The following MICAL2 variants were observed in gnomAD, a reference collection of about 807,000 sequenced individuals.
MICAL2 encodes [F-actin]-monooxygenase MICAL2.
Under a neutral mutation model 127.3 loss-of-function variants are expected in MICAL2, and 77 were observed. That is an observed-to-expected ratio of 0.60 (90% CI 0.50 to 0.73). The LOEUF is 0.73. Ranked by LOEUF, MICAL2 falls within the 30% of genes least tolerant of loss-of-function variation. MICAL2 has a pLI of 0.00. For missense variants in MICAL2, 1,351 were observed against 1,434.4 expected, an observed-to-expected ratio of 0.94 and a Z score of 0.94; for synonymous variants, 570 against 551.1, an observed-to-expected ratio of 1.03 and a Z score of -0.48.
At chr11:12,120,353 T>G (rs778576316) in intron 1 of MICAL2, among the ~76,000 whole-genome samples, 4 of 152,186 alleles carry the variant, frequency 2.6e-5, no homozygotes, top group Non-Finnish European at 4.4e-5. Context: ...GAGGGAATCC[T>G]GAGAGATGGC....
At chr11:12,148,298 G>A (rs1853176772) in intron 2 of MICAL2, among the ~76,000 whole-genome samples, 1 of 152,166 alleles carries the variant, frequency 6.6e-6, no homozygotes, top group Non-Finnish European at 1.5e-5. Context: ...GTAAGACAGA[G>A]ACTTGATATG....
chr11:12,277,011 A>C (rs925135320), intron 1 of MICAL2, among the ~76,000 whole-genome samples: 1 of 152,164 alleles, frequency 6.6e-6, no homozygotes, highest in African/African-American at 2.4e-5. Context: ...ACCAGCCCCA[A>C]AGCGAGTGAC....
intron 29 of MICAL2, among the ~76,000 whole-genome samples, chr11:12,301,269 G>A (rs944072149): frequency 2.6e-5 from 4 of 152,158 alleles, no homozygotes; most frequent in Admixed American, 6.5e-5. Flanking sequence ...ATTTGGGTGG[G>A]TACACAGCCA....
chr11:12,207,142 A>T (rs561674014), intron 4 of MICAL2, among the ~76,000 whole-genome samples: 1 of 151,894 alleles, frequency 6.6e-6, no homozygotes, highest in African/African-American at 2.4e-5. Context: ...GTGGGATTTG[A>T]TATTCTTGGT....
Position 12,262,514 on chromosome 11 carries a change from T to C in MICAL2, c.3369T>C (p.Leu1123=). Residue 1123 remains leucine (L), a synonymous_variant, in exon 27 of 28, where the codon CTT becomes CTC. Coordinates refer to ENST00000683283, the MANE Select transcript of MICAL2 (RefSeq NM_001282663.2). Reference sequence around the variant, plus strand: ...GCCTTCCAGTGCTACACCCACTTCTTGGCTGACACACTTCTGCTCTAAGGT... The same window carrying C: ...GCCTTCCAGTGCTACACCCACTTCTCGGCTGACACACTTCTGCTCTAAGGT... ...HFSLPVLHPL[L]G 1 of 1,613,750 alleles carries C rather than the reference T, an allele frequency of 6.2e-7. No homozygotes were observed. Among genetic ancestry groups the C allele is most frequent in the Non-Finnish European group, 8.5e-7 (1 of 1,179,718 alleles).
rs78668327 is a variant in MICAL2, at chr11:12,340,237, G to A, written c.5516-9601G>A. On this transcript the variant is annotated intron_variant, in intron 32 of 34. Coordinates refer to the MICAL2 transcript ENST00000646065. The stretch of plus-strand genomic sequence containing the variant: ...AGGCAAACAACCCAATATAAATATA[G>A]ACAAATGACATAAATATTCTCTTCA... 1.7e-3 allele frequency among the ~76,000 whole-genome samples: 253 copies of A among 152,216 alleles called. 5 individuals are homozygous for A. In the East Asian group the frequency reaches 0.041, roughly 25 times the overall value.
intron 2 of MICAL2, among the ~76,000 whole-genome samples, chr11:12,153,502 A>G (rs146595945): frequency 0.03 from 4,601 of 152,138 alleles, 123 homozygotes; most frequent in Middle Eastern, 0.051. Context: ...CGGTGGTGCA[A>G]TCTTGGCTGA....
chr11:12,303,102 C>T (rs1024369291), intron 29 of MICAL2, among the ~76,000 whole-genome samples: 6 of 152,194 alleles, frequency 3.9e-5, no homozygotes, highest in African/African-American at 1.4e-4. Flanking sequence ...ATCACAAAAA[C>T]AGCATGAAGG....
At chr11:12,330,822 G>GAGA (rs1555022632) in intron 32 of MICAL2, among the ~76,000 whole-genome samples, 1,704 of 129,534 alleles carry the variant, frequency 0.013, 68 homozygotes, top group African/African-American at 0.036. Context: ...AGAGAGAGAG[G>GAGA]GAGAGACAGA....
chr11:12,235,693 G>A (rs771567281), intron 15 of MICAL2, among the ~76,000 whole-genome samples: 10 of 152,138 alleles, frequency 6.6e-5, no homozygotes, highest in Non-Finnish European at 1.5e-4. Flanking sequence ...AGGTGAACCC[G>A]GTCACCTTCT....
At chr11:12,241,668 G>A (rs1428352996) in intron 18 of MICAL2, among the ~76,000 whole-genome samples, 1 of 152,204 alleles carries the variant, frequency 6.6e-6, no homozygotes, top group Non-Finnish European at 1.5e-5. Context: ...CTTATGGCAG[G>A]TAGTGCTCCT....
rs538355311 is a variant in MICAL2 at position 12,214,641 on chromosome 11, C to T, written c.847+1231C>T. Among the ~76,000 whole-genome samples the T allele has an allele frequency of 3.5e-4, 54 of 152,316 alleles. 2 individuals carry two copies. The South Asian group carries it at 0.011, about 32-fold the overall frequency. ...TTATATATAGGCTGAATAAAACAAT[C>T]AGAATATTTTATGACACATGAAGTT... is the stretch of plus-strand genomic sequence containing the variant. On this transcript the variant is annotated intron_variant, in intron 7 of 27. Transcript: ENST00000683283.
At chr11:12,320,205 G>A (rs372958882) in intron 30 of MICAL2, among the ~76,000 whole-genome samples, 1 of 152,164 alleles carries the variant, frequency 6.6e-6, no homozygotes, top group South Asian at 2.1e-4. Context: ...CATGGAAAAT[G>A]TTATGTTTAT....
intron 3 of MICAL2, among the ~76,000 whole-genome samples, chr11:12,168,224 T>A (rs1855764164): frequency 6.8e-6 from 1 of 147,922 alleles, no homozygotes; most frequent in African/African-American, 2.5e-5. Context: ...TATACACACA[T>A]ACACACACCA....
intron 15 of MICAL2, among the ~76,000 whole-genome samples, chr11:12,233,044 G>C (rs1033751866): frequency 6.6e-6 from 1 of 152,118 alleles, no homozygotes; most frequent in Non-Finnish European, 1.5e-5. Context: ...TCAGTTACCA[G>C]ATCAAAAAAA....
At chr11:12,147,230 A>C (rs747133294) in intron 2 of MICAL2, among the ~76,000 whole-genome samples, 3 of 152,164 alleles carry the variant, frequency 2.0e-5, no homozygotes, top group African/African-American at 4.8e-5. Context: ...AAAAGAAAGC[A>C]AAAGAAAAAA....
chr11:12,227,828 G>A (rs1281195210), intron 15 of MICAL2, among the ~76,000 whole-genome samples: 1 of 152,176 alleles, frequency 6.6e-6, no homozygotes, highest in East Asian at 1.9e-4. Context: ...CTTAATAGGA[G>A]CATTTTTCAA....
chr11:12,265,342 A>G (rs1206299497), downstream of MICAL2, among the ~76,000 whole-genome samples: 1 of 152,200 alleles, frequency 6.6e-6, no homozygotes, highest in African/African-American at 2.4e-5. Flanking sequence ...TGTTTAATTC[A>G]GAGATATTGG....
chr11:12,314,738 G>A (rs576801887), intron 29 of MICAL2, among the ~76,000 whole-genome samples: 52 of 149,830 alleles, frequency 3.5e-4, no homozygotes, highest in African/African-American at 1.3e-3. Context: ...TGCCTGCCTC[G>A]GCCTCCCAAA....
Sources: allele counts gnomAD v4.1 joint callset (sites outside exome capture counted in the v4.1 genomes callset), GRCh38; gene constraint gnomAD v4.1.1; transcripts MANE v1.5; gene names NCBI Gene and HGNC (gene_info 2026-07-23, HGNC 2026-07-21).